The following PFKFB3 variants were observed in gnomAD, a reference collection of about 807,000 sequenced individuals.
The protein encoded by PFKFB3 is 6-phosphofructo-2-kinase/fructose-2,6-bisphosphatase 3.
In PFKFB3, 33 loss-of-function variants were observed where a neutral mutation model predicts 68.0. The ratio of observed to expected loss-of-function variants is 0.49; its 90% CI spans 0.37 to 0.65. The LOEUF (loss-of-function observed/expected upper bound fraction) is 0.65, where lower values mean the gene tolerates loss of function less well. Ranked by LOEUF, PFKFB3 falls within the 30% of genes least tolerant of loss-of-function variation. The pLI is 0.00. For missense variants in PFKFB3, 586 were observed against 712.2 expected (o/e 0.82, Z 2.02); for synonymous variants, 315 against 288.2 (o/e 1.09, Z -0.94).
chr10:6,177,400 C>A (rs1273276468), intron 1 of PFKFB3, among the ~76,000 whole-genome samples: 4 of 138,044 alleles, frequency 2.9e-5, no homozygotes, highest in Non-Finnish European at 4.7e-5. Flanking sequence ...TTCTTTCTTT[C>A]TTTCTTTCTT....
At chr10:6,206,896 G>A (rs1843792707) in intron 1 of PFKFB3, among the ~76,000 whole-genome samples, 2 of 130,944 alleles carry the variant, frequency 1.5e-5, no homozygotes, top group Admixed American at 7.8e-5. Context: ...CCAGGCAGAG[G>A]GGCTCCTCAC....
chr10:6,305,460 C>T, the PFKFB3 span, among the ~76,000 whole-genome samples: 3 of 152,218 alleles, frequency 2.0e-5, no homozygotes, highest in Non-Finnish European at 4.4e-5. Flanking sequence ...GGATTACAGG[C>T]GTGAGCCACC....
Position 6,190,704 on chromosome 10 carries a change from G to C in PFKFB3, c.17-22919G>C, listed in dbSNP as rs138386796. On this transcript the variant is annotated intron_variant, in intron 1 of 14. Coordinates refer to the PFKFB3 transcript ENST00000379789. ...GCCAGTGGGGAACCCTTTAGAATAG[G>C]CTCGTGTGTTTCTTGATATATCCAC... 1.2e-3 allele frequency among the ~76,000 whole-genome samples: 185 copies of C among 152,238 alleles called. 1 individual carries two copies. Among genetic ancestry groups the C allele is most frequent in the African/African-American group, 4.4e-3 (181 of 41,546 alleles).
chr10:6,304,584 C>A, the PFKFB3 span, among the ~76,000 whole-genome samples: 4 of 151,338 alleles, frequency 2.6e-5, no homozygotes, highest in Non-Finnish European at 5.9e-5. Flanking sequence ...TGATCTCAAA[C>A]TCCTGATCTC....
downstream of PFKFB3, among the ~76,000 whole-genome samples, chr10:6,239,347 A>T (rs1162506766): frequency 6.6e-6 from 1 of 152,206 alleles, no homozygotes; most frequent in Non-Finnish European, 1.5e-5. Context: ...AACTGAGATA[A>T]ACCAGGTCTG....
the PFKFB3 span, among the ~76,000 whole-genome samples, chr10:6,320,366 A>G: frequency 1.3e-5 from 2 of 152,280 alleles, no homozygotes; most frequent in Middle Eastern, 3.4e-3. Flanking sequence ...GAAGAAATGT[A>G]TGAGCTTATA....
At chr10:6,205,033 C>T (rs1843592461) in intron 1 of PFKFB3, among the ~76,000 whole-genome samples, 2 of 152,238 alleles carry the variant, frequency 1.3e-5, no homozygotes, top group South Asian at 4.1e-4. Flanking sequence ...CATCAACCTG[C>T]ACGTCTCACA....
the PFKFB3 span, among the ~76,000 whole-genome samples, chr10:6,280,095 T>C: frequency 6.6e-6 from 1 of 152,230 alleles, no homozygotes. Flanking sequence ...TTTGCTCAGC[T>C]GCCCCTTCTA....
At chr10:6,213,546 T>G in intron 1 of PFKFB3, 77 bp from the exon 2 acceptor site, 2 of 1,488,752 alleles carry the variant, frequency 1.3e-6, no homozygotes, top group Non-Finnish European at 1.8e-6. Flanking sequence ...TTCTTCAGTG[T>G]TATTGTTGGG....
Position 6,155,255 on chromosome 10 carries a change from G to T in PFKFB3, c.16+10242G>T, listed in dbSNP as rs549193545. ...TCCCGCTCTGTCGCCCAGGCTGGAG[G>T]GCAGTGGCGCGATCTCGGCTCACTG... On this transcript the variant is annotated intron_variant, in intron 1 of 14. Transcript: ENST00000379789. Among the ~76,000 whole-genome samples the T allele has an allele frequency of 1.1e-3, 161 of 149,278 alleles. 1 individual carries two copies. Among genetic ancestry groups the T allele is most frequent in the South Asian group, 5.1e-3 (24 of 4,706 alleles).
At chr10:6,244,322 TC>T (rs1166983624) in intron 14 of PFKFB3, among the ~76,000 whole-genome samples, 1 of 152,172 alleles carries the variant, frequency 6.6e-6, no homozygotes, top group Non-Finnish European at 1.5e-5. Context: ...AGACCAAACT[TC>T]CTGTTTCCCA....
At chr10:6,174,200 C>T (rs1842393855) in intron 1 of PFKFB3, among the ~76,000 whole-genome samples, 3 of 152,082 alleles carry the variant, frequency 2.0e-5, no homozygotes, top group Admixed American at 1.3e-4. Flanking sequence ...GGGCTTGGAT[C>T]TCTTGTTATT....
At chr10:6,248,441 C>T (rs1400588488) in intron 14 of PFKFB3, among the ~76,000 whole-genome samples, 2 of 151,560 alleles carry the variant, frequency 1.3e-5, no homozygotes, top group African/African-American at 2.4e-5. Context: ...CAAGCCTGGC[C>T]GACATAGTGA....
At chr10:6,205,210 C>G (rs1843605815) in intron 1 of PFKFB3, among the ~76,000 whole-genome samples, 1 of 152,140 alleles carries the variant, frequency 6.6e-6, no homozygotes. Context: ...TAAAAAGATC[C>G]GCAGCCTGGG....
rs182045252 is a variant in PFKFB3, at chr10:6,242,611, G to A, written c.1516-11567G>A. Among the ~76,000 whole-genome samples, 10 of 149,386 alleles carry A rather than the reference G, an allele frequency of 6.7e-5. No homozygotes were observed. In the East Asian group the frequency reaches 1.8e-3, roughly 27 times the overall value. On this transcript the variant is annotated intron_variant, in intron 14 of 14. Coordinates refer to the PFKFB3 transcript ENST00000640683. ...GTAAACATTTTTTTTTTTTTGAGAC[G>A]GAGTCTCGCTCTGTTGCCCAGGCTG...
intron 1 of PFKFB3, among the ~76,000 whole-genome samples, chr10:6,185,327 C>T (rs1423145728): frequency 3.9e-5 from 6 of 152,208 alleles, no homozygotes; most frequent in Non-Finnish European, 5.9e-5. Flanking sequence ...TCCACTCATC[C>T]GCTTACTCAC....
chr10:6,194,753 T>C (rs11257187), intron 1 of PFKFB3, among the ~76,000 whole-genome samples: 5,551 of 152,318 alleles, frequency 0.036, 160 homozygotes, highest in Middle Eastern at 0.12. Context: ...AGTGACCACC[T>C]GATTTGTCCC....
chr10:6,179,596 G>A lies in PFKFB3; in HGVS notation c.17-34027G>A, dbSNP rs1450422616. ...TTGCTGTCCATGGGGGTCGTCGAAG[G>A]ACGGGTGTGGAGGCCCAGGAGGACT... On this transcript the variant is annotated intron_variant, in intron 1 of 14. Coordinates refer to the PFKFB3 transcript ENST00000379789. Among the ~76,000 whole-genome samples the A allele has an allele frequency of 2.6e-5, 4 of 152,260 alleles. No homozygotes were observed. In the East Asian group the frequency reaches 7.7e-4, roughly 29 times the overall value.
At position 6,226,319 on chromosome 10, in the gene PFKFB3, T is replaced by C; in HGVS notation, c.1469T>C (p.Leu490Pro). The change falls in exon 14 of 15, where the codon CTG becomes CCG. Residue 490 changes from leucine to proline, a missense_variant. Transcript: ENST00000379775. ...CATGTGGCCTCCACCTCGGCCGCCC[T>C]GCCCAGCTGCCTGCCCCCGGAGGTG... ...EEHVASTSAALPSCLPPEVPT... is the reference protein window; with the variant it reads ...EEHVASTSAAPPSCLPPEVPT... 2 of 1,614,022 alleles carry C rather than the reference T, an allele frequency of 1.2e-6. No individual in the cohort carries two copies. The highest frequency in any genetic ancestry group is 1.7e-6 in the Non-Finnish European group (2 of 1,179,974).
Sources: gnomAD v4.1 joint callset for allele counts (sites outside exome capture counted in the v4.1 genomes callset) on GRCh38, gnomAD v4.1.1 for gene constraint, MANE v1.5 for transcripts, NCBI Gene and HGNC (gene_info 2026-07-23, HGNC 2026-07-21) for gene names.